The following GRHL1 variants were observed in gnomAD, a reference collection of about 807,000 sequenced individuals.
GRHL1 encodes grainyhead-like protein 1 homolog.
Under a neutral mutation model 75.7 loss-of-function variants are expected in GRHL1, and 38 were observed. The ratio of observed to expected loss-of-function variants is 0.50; its 90% confidence interval spans 0.39 to 0.66. GRHL1 has a LOEUF of 0.66. GRHL1 is among the 30% of genes least tolerant of loss of function. The probability of loss-of-function intolerance (pLI) is 0.00; values close to 1 mark genes in which losing one functional copy is unlikely to be tolerated. For synonymous variants in GRHL1, 266 were observed against 279.4 expected (o/e 0.95, Z 0.48); for missense variants, 589 against 767.5 (o/e 0.77, Z 2.75).
At position 9,961,117 on chromosome 2, in the gene GRHL1, A is replaced by C. The variant is rs765032179; in HGVS notation, c.350A>C (p.Asn117Thr). ...AGENRVQVLK[N>T]VPFNIVLPHG... Reference sequence around the variant, plus strand: ...GAAAACAGAGTGCAAGTACTGAAAAATGTGCCATTTAACATTGTCCTTCCC... The same window carrying C: ...GAAAACAGAGTGCAAGTACTGAAAACTGTGCCATTTAACATTGTCCTTCCC... The change falls in exon 4 of 16, where the codon AAT (asparagine) becomes ACT (threonine). Residue 117 changes from asparagine to threonine, a missense_variant. Around this residue, in one of 5 missense-constraint regions of GRHL1, gnomAD observed 362 missense variants for 461.8 expected, o/e 0.78. Coordinates refer to ENST00000324907, the MANE Select transcript of GRHL1 (RefSeq NM_198182.3). The C allele has an allele frequency of 2.8e-5, 45 of 1,591,790 alleles. No individual in the cohort carries two copies. In the East Asian group the frequency reaches 4.6e-4, roughly 16 times the overall value.
In GRHL1 at chr2:9,965,357, A is replaced by C; in HGVS notation, c.1086A>C (p.Thr362=). The C allele has an allele frequency of 1.9e-6, 3 of 1,608,622 alleles. No homozygotes were observed. Among genetic ancestry groups the C allele is most frequent in the Non-Finnish European group, 2.6e-6 (3 of 1,174,978 alleles). Residue 362 remains threonine, a synonymous_variant, in exon 8 of 16, where the codon ACA becomes ACC. Coordinates refer to ENST00000324907, the MANE Select transcript of GRHL1 (RefSeq NM_198182.3). The stretch of plus-strand genomic sequence containing the variant: ...TTGCGTATAACGCCATTTCCTTCAC[A>C]TGGGACATCAACGATGAAGCAAAGG... ...EEIAYNAISF[T]WDINDEAKVF...
In GRHL1 at chr2:9,954,413, T is replaced by A. The variant is rs185691030; in HGVS notation, c.21-502T>A. 1.4e-4 allele frequency among the ~76,000 whole-genome samples: 22 copies of A among 152,320 alleles called. No homozygotes were observed. The East Asian group carries it at 3.9e-3, about 27-fold the overall frequency. ...ATTGCGTGAAGGATCCCTTTTTCTT[T>A]CTGCTGCTTCTCCCCTCCCCACTGT... On this transcript the variant is annotated intron_variant, in intron 1 of 15. Coordinates refer to ENST00000324907, the MANE Select transcript of GRHL1 (RefSeq NM_198182.3).
At chr2:9,983,935 T>C (rs140919248) in intron 8 of GRHL1, among the ~76,000 whole-genome samples, 3 of 151,670 alleles carry the variant, frequency 2.0e-5, no homozygotes, top group Admixed American at 6.6e-5. Context: ...GGTGGGCGGA[T>C]CATGAGGTCA....
In GRHL1 at chr2:9,963,877, G is replaced by A; in HGVS notation, c.747-9G>A. The A allele has an allele frequency of 4.4e-6, 7 of 1,596,874 alleles. No individual in the cohort carries two copies. Among genetic ancestry groups the A allele is most frequent in the Non-Finnish European group, 6.0e-6 (7 of 1,173,136 alleles). ...GATTTAGAGACCTGTGACTTTTTTT[G>A]TCCTTTAGGAACAACTTTGAATATA... On this transcript the variant is annotated splice_polypyrimidine_tract_variant and intron_variant, in intron 5 of 15. Coordinates refer to ENST00000324907, the MANE Select transcript of GRHL1 (RefSeq NM_198182.3).
At chr2:9,991,914 C>G (rs780907357) in intron 10 of GRHL1, 93 bp from the exon 11 acceptor site, 8 of 942,746 alleles carry the variant, frequency 8.5e-6, no homozygotes, top group Non-Finnish European at 1.3e-5. Context: ...CTTGGAGTAT[C>G]TTACTCAGAG....
At chr2:9,954,602 T>C (rs1000140120) in intron 1 of GRHL1, among the ~76,000 whole-genome samples, 6 of 152,172 alleles carry the variant, frequency 3.9e-5, no homozygotes, top group Admixed American at 1.3e-4. Context: ...TGTGTTTGTT[T>C]ATGGAAAGTA....
rs1283149750 is a variant in GRHL1 at position 9,968,738 on chromosome 2, CAT to C, written c.1110+3359_1110+3360del. Reference sequence around the variant, plus strand: ...TACAGCGAGATGGGAGAAAGATACACATAGACTCAGCTGGATCAACATTTTCT... The same window carrying C: ...TACAGCGAGATGGGAGAAAGATACACAGACTCAGCTGGATCAACATTTTCT... On this transcript the variant is annotated intron_variant, in intron 8 of 15. Coordinates refer to ENST00000324907, the MANE Select transcript of GRHL1 (RefSeq NM_198182.3). This position sits in a 1 kb window ranked among gnomAD's most constrained non-coding sequence, Gnocchi z 4.7. Among the ~76,000 whole-genome samples the C allele has an allele frequency of 1.3e-5, 2 of 152,186 alleles. No homozygotes were observed. The highest frequency in any genetic ancestry group is 2.9e-5 in the Non-Finnish European group (2 of 68,038).
At chr2:9,977,183 A>G (rs754248684) in intron 8 of GRHL1, among the ~76,000 whole-genome samples, 7 of 152,194 alleles carry the variant, frequency 4.6e-5, no homozygotes, top group Non-Finnish European at 4.4e-5. Context: ...TTATGTATTT[A>G]TAAGTTTTAT....
At chr2:9,994,827 G>A (rs761918055) in intron 12 of GRHL1, among the ~76,000 whole-genome samples, 6 of 152,032 alleles carry the variant, frequency 3.9e-5, no homozygotes, top group Non-Finnish European at 7.4e-5. Context: ...CCAGGCGTTC[G>A]TTCGATCTGA....
intron 8 of GRHL1, among the ~76,000 whole-genome samples, chr2:9,970,094 C>T (rs184890690): frequency 0.012 from 1,831 of 152,150 alleles, 32 homozygotes; most frequent in African/African-American, 0.041. Flanking sequence ...CCACCTGCCT[C>T]GGCCTCCCAA....
chr2:9,982,113 C>A (rs79984521), intron 8 of GRHL1, among the ~76,000 whole-genome samples: 2,671 of 152,282 alleles, frequency 0.018, 58 homozygotes, highest in Middle Eastern at 0.068. Flanking sequence ...CTAGATCTTT[C>A]TTTTGATTAC....
intron 15 of GRHL1, 142 bp from the exon 16 acceptor site, chr2:10,000,451 G>A (rs1669217421): frequency 6.6e-6 from 4 of 609,328 alleles, no homozygotes; most frequent in Non-Finnish European, 1.2e-5. Flanking sequence ...TTTTATAGAT[G>A]AGGAAGTTGA....
rs1270399365 is a variant in GRHL1 at position 9,990,081 on chromosome 2, AG to A, written c.1270-613del. 6.6e-6 allele frequency among the ~76,000 whole-genome samples: 1 copy of A among 151,998 alleles called. No homozygotes were observed. Among genetic ancestry groups the A allele is most frequent in the Non-Finnish European group, 1.5e-5 (1 of 67,992 alleles). ...AGGGAAAATACCCTTGTGTCTTTGC[AG>A]GCATGTGGTATACTCACAGATTTTC... On this transcript the variant is annotated intron_variant, in intron 9 of 15. Coordinates refer to ENST00000324907, the MANE Select transcript of GRHL1 (RefSeq NM_198182.3). The surrounding 1 kb of genome is among the most constrained non-coding windows in gnomAD (Gnocchi z 4.2).
At chr2:9,964,091 A>G (rs1431065618) in intron 6 of GRHL1, 49 bp downstream of exon 6, 1 of 1,558,464 alleles carries the variant, frequency 6.4e-7, no homozygotes, top group Non-Finnish European at 8.8e-7. Context: ...GTCAGAGCCT[A>G]ACATTTCCAG....
chr2:9,987,463 G>A lies in GRHL1; in HGVS notation c.1269+1181G>A, dbSNP rs112164677. ...GAAGTGTAGGCAGTCACCCCTGCACGGGAGCTCTTCCTTAGCTGTGTCCGA... is the reference window on the plus strand; with the variant it reads ...GAAGTGTAGGCAGTCACCCCTGCACAGGAGCTCTTCCTTAGCTGTGTCCGA... On this transcript the variant is annotated intron_variant, in intron 9 of 15. Coordinates refer to ENST00000324907, the MANE Select transcript of GRHL1 (RefSeq NM_198182.3). This position sits in a 1 kb window ranked among gnomAD's most constrained non-coding sequence, Gnocchi z 4.2. Among the ~76,000 whole-genome samples the A allele has an allele frequency of 1.8e-3, 269 of 152,260 alleles. 2 individuals are homozygous for A. Among genetic ancestry groups the A allele is most frequent in the African/African-American group, 6.0e-3 (248 of 41,548 alleles).
chr2:9,984,523 T>C (rs940534673), intron 8 of GRHL1, among the ~76,000 whole-genome samples: 1 of 152,234 alleles, frequency 6.6e-6, no homozygotes, highest in Non-Finnish European at 1.5e-5. Flanking sequence ...TCCTCTTAAG[T>C]AGCAGCTTCC....
rs149985992 is a variant in GRHL1, at chr2:10,001,026, T to C, written c.*319T>C. The C allele has an allele frequency of 4.0e-4, 72 of 181,454 alleles. No individual in the cohort carries two copies. The highest frequency in any genetic ancestry group is 6.6e-4 in the Non-Finnish European group (58 of 87,452). 11.2% of individuals were successfully genotyped at this position (181,454 alleles called of 1,614,324 possible). ...AAGCTTTAGGACATCTGCTACGTTA[T>C]TTATCAAAATATTGGGATCTCTGCC... On this transcript the variant is annotated 3_prime_UTR_variant, in exon 16 of 16. Transcript: ENST00000324907.
intron 8 of GRHL1, among the ~76,000 whole-genome samples, chr2:9,974,279 C>G (rs559566419): frequency 1.9e-4 from 29 of 152,334 alleles, no homozygotes; most frequent in African/African-American, 6.5e-4. Context: ...CCAGAGACTA[C>G]GTGCTTTGTG....
At chr2:9,996,938 G>A (rs1299043005) in intron 14 of GRHL1, among the ~76,000 whole-genome samples, 2 of 152,208 alleles carry the variant, frequency 1.3e-5, no homozygotes, top group Admixed American at 6.5e-5. Context: ...GGGGATATCA[G>A]TAAGAGAGGA....
Sources: allele counts gnomAD v4.1 joint callset (sites outside exome capture counted in the v4.1 genomes callset), GRCh38; gene constraint gnomAD v4.1.1; regional missense constraint gnomAD v4.1.1; non-coding constraint Gnocchi (gnomAD v3.1); transcripts MANE v1.5; gene names NCBI Gene and HGNC (gene_info 2026-07-23, HGNC 2026-07-21).